DCAF1: variants seen among roughly 807,000 people sequenced by gnomAD.
The protein encoded by DCAF1 is DDB1- and CUL4-associated factor 1.
DCAF1 carries 15 observed loss-of-function variants against 128.0 expected under a neutral mutation model. The observed-to-expected ratio is 0.12, with a 90% CI of 0.08 to 0.18. The LOEUF (loss-of-function observed/expected upper bound fraction) is 0.18, where lower values mean the gene tolerates loss of function less well. DCAF1 is among the 10% of genes least tolerant of loss of function. The pLI, the probability that DCAF1 is intolerant of heterozygous loss-of-function variation, is 1.00. For missense variants in DCAF1, 988 were observed against 1,649.5 expected (o/e 0.60, Z 6.95); for synonymous variants, 610 against 603.0 (o/e 1.01, Z -0.17).
At position 51,466,787 on chromosome 3, in the gene DCAF1, T is replaced by A. The variant is rs541860405; in HGVS notation, c.261+16A>T. 67 of 1,612,132 alleles carry A rather than the reference T, an allele frequency of 4.2e-5. No individual in the cohort carries two copies. The highest frequency in any genetic ancestry group is 4.2e-5 in the Non-Finnish European group (50 of 1,178,616). ...ACAGATGATAATCGCTGGAGAAAAG[T>A]AAGAAGCAAACCTACTGCATTCATG... On this transcript the variant is annotated intron_variant, in intron 5 of 24. Coordinates refer to ENST00000684031, the MANE Select transcript of DCAF1 (RefSeq NM_001387579.1).
Position 51,483,796 on chromosome 3 carries a change from T to C in DCAF1, c.33A>G (p.Lys11=). 5 of 1,613,908 alleles carry C rather than the reference T, an allele frequency of 3.1e-6. No homozygotes were observed. Among genetic ancestry groups the C allele is most frequent in the Non-Finnish European group, 4.2e-6 (5 of 1,179,866 alleles). The part of the protein sequence containing the change: MTTVVVHVDS[K]AELTTLLEQW... The stretch of plus-strand genomic sequence containing the variant: ...GCTCCAGCAGGGTAGTGAGCTCAGC[T>C]TTGGAGTCCACATGTACCACTACTG... Residue 11 remains lysine, a synonymous_variant, in exon 3 of 25, where the codon AAA becomes AAG. Transcript: ENST00000684031.
intron 2 of DCAF1, among the ~76,000 whole-genome samples, chr3:51,490,294 C>G (rs997466710): frequency 6.6e-6 from 1 of 151,924 alleles, no homozygotes; most frequent in Non-Finnish European, 1.5e-5. Context: ...TGCACCTGTA[C>G]CAGGTATGCA....
At chr3:51,428,619 A>G (rs1474130942) in intron 12 of DCAF1, among the ~76,000 whole-genome samples, 1 of 152,270 alleles carries the variant, frequency 6.6e-6, no homozygotes, top group East Asian at 1.9e-4. Flanking sequence ...AAATTCCACA[A>G]TGATAGTGAA....
At chr3:51,485,740 T>C (rs1227269528) in intron 2 of DCAF1, among the ~76,000 whole-genome samples, 2 of 152,216 alleles carry the variant, frequency 1.3e-5, no homozygotes, top group African/African-American at 2.4e-5. Flanking sequence ...CATTATTGCA[T>C]TGTATTATAA....
intron 3 of DCAF1, 77 bp downstream of exon 3, chr3:51,483,642 T>TGC (rs1345834862): frequency 9.8e-6 from 9 of 917,540 alleles, no homozygotes; most frequent in Non-Finnish European, 5.4e-6. Context: ...TGTGTGTGTG[T>TGC]GTGTATGAAG....
intron 6 of DCAF1, among the ~76,000 whole-genome samples, chr3:51,451,081 T>TTTTC (rs1702304014): frequency 1.0e-5 from 1 of 97,906 alleles, no homozygotes; most frequent in African/African-American, 4.3e-5. Context: ...TTTTTTTTTT[T>TTTTC]TTTTTTTTTT....
In DCAF1 at chr3:51,414,802, G is replaced by A. The variant is rs1465122143; in HGVS notation, c.3659C>T (p.Ala1220Val). 2 of 1,613,894 alleles carry A rather than the reference G, an allele frequency of 1.2e-6. No homozygotes were observed. Among genetic ancestry groups the A allele is most frequent in the Non-Finnish European group, 8.5e-7 (1 of 1,179,906 alleles). Reference sequence around the variant, plus strand: ...GGCACAGTTCCTCTTGTAGTTGTTGGCAAGATCTGGGTTAAACAGAGTCAA... The same window carrying A: ...GGCACAGTTCCTCTTGTAGTTGTTGACAAGATCTGGGTTAAACAGAGTCAA... ...KLLTLFNPDL[A>V]NNYKRNCATF... is the part of the protein sequence containing the mutation. The change falls in exon 19 of 25, where the codon GCC becomes GTC. Residue 1220 changes from alanine to valine, a missense_variant. Coordinates refer to ENST00000684031, the MANE Select transcript of DCAF1 (RefSeq NM_001387579.1).
At chr3:51,412,177 T>C (rs1215575783) in intron 23 of DCAF1, among the ~76,000 whole-genome samples, 1 of 149,624 alleles carries the variant, frequency 6.7e-6, no homozygotes, top group African/African-American at 2.5e-5. Flanking sequence ...CAAATGGAAT[T>C]CACGGGATCA....
chr3:51,489,540 G>A (rs897181561), intron 2 of DCAF1, among the ~76,000 whole-genome samples: 1 of 152,040 alleles, frequency 6.6e-6, no homozygotes, highest in African/African-American at 2.4e-5. Context: ...TGTAATTTCA[G>A]AACTTTGGGA....
intron 3 of DCAF1, among the ~76,000 whole-genome samples, chr3:51,476,823 T>C (rs1220618782): frequency 1.3e-5 from 2 of 151,608 alleles, no homozygotes; most frequent in African/African-American, 2.4e-5. Context: ...TGCAGTGAGC[T>C]GAGATCGCAC....
chr3:51,447,708 G>A (rs1185074867), intron 6 of DCAF1, among the ~76,000 whole-genome samples: 1 of 151,838 alleles, frequency 6.6e-6, no homozygotes, highest in African/African-American at 2.4e-5. Context: ...AGCACTTCGG[G>A]AGGCCGAGGC....
At chr3:51,479,186 T>C (rs1449406403) in intron 3 of DCAF1, among the ~76,000 whole-genome samples, 16 of 152,088 alleles carry the variant, frequency 1.1e-4, no homozygotes, top group Admixed American at 1.1e-3. Flanking sequence ...AAATCATCAT[T>C]TGAGGAGACA....
At chr3:51,399,948 CAG>C (rs1264375823) in intron 24 of DCAF1, among the ~76,000 whole-genome samples, 1 of 152,164 alleles carries the variant, frequency 6.6e-6, no homozygotes, top group African/African-American at 2.4e-5. Context: ...CTTGGACAAA[CAG>C]AGAGCAATCA....
chr3:51,462,838 C>A (rs1470825413), intron 6 of DCAF1, among the ~76,000 whole-genome samples: 1 of 151,468 alleles, frequency 6.6e-6, no homozygotes, highest in South Asian at 2.1e-4. Context: ...CAGAGGCTCA[C>A]GACTATAATC....
chr3:51,429,108 C>A (rs1700155458), intron 12 of DCAF1, among the ~76,000 whole-genome samples, 153 bp downstream of exon 12: 2 of 152,234 alleles, frequency 1.3e-5, no homozygotes, highest in South Asian at 4.1e-4. Context: ...TCACCTATTA[C>A]ATCCATTTTT....
At position 51,447,506 on chromosome 3, in the gene DCAF1, C is replaced by T. The variant is rs190749515; in HGVS notation, c.376-3603G>A. Among the ~76,000 whole-genome samples the T allele has an allele frequency of 3.3e-5, 5 of 152,254 alleles. No individual in the cohort carries two copies. The East Asian group carries it at 9.6e-4, about 29-fold the overall frequency. ...CTACTGATATAGAATATATTTACCA[C>T]GTATTTTCAGCATATTTCTTTGTGC... is the stretch of plus-strand genomic sequence containing the variant. On this transcript the variant is annotated intron_variant, in intron 6 of 24. Coordinates refer to ENST00000684031, the MANE Select transcript of DCAF1 (RefSeq NM_001387579.1).
intron 9 of DCAF1, among the ~76,000 whole-genome samples, chr3:51,438,443 A>G (rs1553637689): frequency 6.6e-6 from 1 of 152,248 alleles, no homozygotes; most frequent in Non-Finnish European, 1.5e-5. Context: ...TCTAATTTGT[A>G]TAGAACAACC....
At chr3:51,411,653 A>C (rs1211167746) in intron 23 of DCAF1, among the ~76,000 whole-genome samples, 2 of 152,190 alleles carry the variant, frequency 1.3e-5, no homozygotes, top group African/African-American at 2.4e-5. Context: ...TACCCTAATA[A>C]TAGACTATGC....
chr3:51,487,249 C>T (rs537157923), intron 2 of DCAF1, among the ~76,000 whole-genome samples: 27 of 152,154 alleles, frequency 1.8e-4, no homozygotes, highest in Non-Finnish European at 3.4e-4. Context: ...GGATTACAGG[C>T]GTGAGCCACT....
Sources: allele counts gnomAD v4.1 joint callset (sites outside exome capture counted in the v4.1 genomes callset), GRCh38; gene constraint gnomAD v4.1.1; transcripts MANE v1.5; gene names NCBI Gene and HGNC (gene_info 2026-07-23, HGNC 2026-07-21).